DAPK1: variants seen among roughly 807,000 people sequenced by gnomAD.
DAPK1 encodes death associated protein kinase 1.
DAPK1 carries 56 observed loss-of-function variants against 144.9 expected under a neutral mutation model. The ratio of observed to expected loss-of-function variants is 0.39; its 90% CI spans 0.31 to 0.48. The LOEUF (loss-of-function observed/expected upper bound fraction) is 0.48. Ranked by LOEUF, DAPK1 falls within the 20% of genes least tolerant of loss-of-function variation. The pLI is 0.95. For synonymous variants in DAPK1, 690 were observed against 749.0 expected (o/e 0.92, Z 1.29); for missense variants, 1,454 against 1,875.4 (o/e 0.78, Z 4.15).
At chr9:87,649,478 G>T (rs1830372210) in intron 15 of DAPK1, among the ~76,000 whole-genome samples, 1 of 152,208 alleles carries the variant, frequency 6.6e-6, no homozygotes, top group Admixed American at 6.5e-5. Context: ...CATTAAGGTT[G>T]CTGGAAGAAT....
At chr9:87,507,627 G>T (rs866259441) in intron 2 of DAPK1, among the ~76,000 whole-genome samples, 4 of 152,140 alleles carry the variant, frequency 2.6e-5, no homozygotes, top group Admixed American at 2.6e-4. Context: ...AGGGAAGGAG[G>T]TTGGGAGAAT....
intron 21 of DAPK1, among the ~76,000 whole-genome samples, chr9:87,688,557 T>C (rs1397278674): frequency 6.6e-6 from 1 of 152,184 alleles, no homozygotes; most frequent in Non-Finnish European, 1.5e-5. Flanking sequence ...CCACAACGTA[T>C]AGGTGTTCTC....
chr9:87,559,542 G>A (rs1432509189), intron 2 of DAPK1, among the ~76,000 whole-genome samples: 2 of 152,182 alleles, frequency 1.3e-5, no homozygotes, highest in African/African-American at 2.4e-5. Flanking sequence ...AGTAGCTACT[G>A]TGGTGGACTT....
chr9:87,671,244 G>T (rs1396444643), intron 19 of DAPK1, among the ~76,000 whole-genome samples: 1 of 152,092 alleles, frequency 6.6e-6, no homozygotes, highest in African/African-American at 2.4e-5. Context: ...TCTGGGGGTG[G>T]GCTCTCACCC....
chr9:87,662,566 T>TTTTTTC (rs1830893423), intron 18 of DAPK1, among the ~76,000 whole-genome samples: 1 of 129,726 alleles, frequency 7.7e-6, no homozygotes, highest in Admixed American at 8.1e-5. Flanking sequence ...CCTAGTTTTT[T>TTTTTTC]TTTTTTTTTT....
chr9:87,577,294 C>T (rs1024950766), intron 2 of DAPK1, among the ~76,000 whole-genome samples: 4 of 152,122 alleles, frequency 2.6e-5, no homozygotes, highest in Non-Finnish European at 5.9e-5. Context: ...CGGGGTGGGG[C>T]CCAGCGGTCT....
chr9:87,498,053 A>G lies in DAPK1; in HGVS notation c.-163A>G, dbSNP rs766518987. On this transcript the variant is annotated 5_prime_UTR_variant, in exon 1 of 26. An upstream start codon of the reference 5' UTR is lost. Coordinates refer to ENST00000408954, the MANE Select transcript of DAPK1 (RefSeq NM_004938.4). ...CGGCTAGTCTCCGGCGCTGGCGCCT[A>G]TGGTCGGCCTCCGACAGCGCTCCGG... 1 of 397,330 alleles carries G rather than the reference A, an allele frequency of 2.5e-6. No individual in the cohort carries two copies. The highest frequency in any genetic ancestry group is 4.4e-6 in the Non-Finnish European group (1 of 225,372). 24.6% of individuals were successfully genotyped at this position (397,330 alleles called of 1,614,324 possible). A position where few individuals can be genotyped will look rare whatever the true frequency, so the allele number is the denominator to read the frequency against.
chr9:87,501,416 G>A (rs1271886839), intron 2 of DAPK1, among the ~76,000 whole-genome samples: 1 of 152,170 alleles, frequency 6.6e-6, no homozygotes, highest in Non-Finnish European at 1.5e-5. Context: ...GCAGTGGCGC[G>A]CGCCTGTAGT....
chr9:87,662,113 G>C (rs552743023), intron 18 of DAPK1, among the ~76,000 whole-genome samples: 1 of 152,234 alleles, frequency 6.6e-6, no homozygotes, highest in South Asian at 2.1e-4. Flanking sequence ...TATCAGTTTT[G>C]TCAGAGAACA....
rs183441742 is a variant in DAPK1, at chr9:87,523,295, G to T, written c.62+24156G>T. On this transcript the variant is annotated intron_variant, in intron 2 of 25. Coordinates refer to ENST00000408954, the MANE Select transcript of DAPK1 (RefSeq NM_004938.4). ...TATCACAGTTAGAAAGGCCCTTACC[G>T]CTCTGAGTTTATTTGTTTTGAGACA... is the stretch of plus-strand genomic sequence containing the variant. 6.0e-3 allele frequency among the ~76,000 whole-genome samples: 913 copies of T among 152,114 alleles called. 6 individuals carry two copies. Among genetic ancestry groups the T allele is most frequent in the Non-Finnish European group, 0.01 (703 of 67,980 alleles).
At chr9:87,681,939 A>T (rs980819144) in intron 20 of DAPK1, among the ~76,000 whole-genome samples, 6 of 152,334 alleles carry the variant, frequency 3.9e-5, no homozygotes, top group African/African-American at 1.4e-4. Flanking sequence ...CACAGTTGCA[A>T]ATTGCATTGC....
At chr9:87,565,924 A>G (rs1827103748) in intron 2 of DAPK1, among the ~76,000 whole-genome samples, 1 of 152,224 alleles carries the variant, frequency 6.6e-6, no homozygotes, top group East Asian at 1.9e-4. Context: ...CAGTGATGAA[A>G]CTGAGACCCA....
chr9:87,525,162 A>C, intron 2 of DAPK1: 1 of 698,454 alleles, frequency 1.4e-6, no homozygotes, highest in Non-Finnish European at 2.6e-6. Context: ...AGTTGGGTGG[A>C]AGACTGTGTC....
In DAPK1 at chr9:87,500,906, A is replaced by G. The variant is rs183546199; in HGVS notation, c.62+1767A>G. Among the ~76,000 whole-genome samples, 969 of 152,362 alleles carry G rather than the reference A, an allele frequency of 6.4e-3. 6 individuals are homozygous for G. The highest frequency in any genetic ancestry group is 0.014 in the Middle Eastern group (4 of 294). On this transcript the variant is annotated intron_variant, in intron 2 of 25. Coordinates refer to ENST00000408954, the MANE Select transcript of DAPK1 (RefSeq NM_004938.4). ...GAAAAACTGGAAGTCTGAAGTTTTT[A>G]AAAATGAAATGTACAGACTCATCTA...
intron 2 of DAPK1, among the ~76,000 whole-genome samples, chr9:87,552,052 GGCCTCGC>G (rs66839811): frequency 0.035 from 5,385 of 152,196 alleles, 116 homozygotes; most frequent in Middle Eastern, 0.082. Context: ...CCAGCCAGCA[GGCCTCGC>G]GAGGCTGGCT....
chr9:87,700,640 A>AG lies in DAPK1; in HGVS notation c.2871+405dup, dbSNP rs527691308. Among the ~76,000 whole-genome samples the AG allele has an allele frequency of 3.7e-4, 57 of 152,202 alleles. 1 individual carries two copies. In the South Asian group the frequency reaches 0.012, roughly 32 times the overall value. Reference sequence around the variant, plus strand: ...CAGCCTCCCAAGTAGCTAGGACTATAGGCACGCACCACCATGTCTGGCTAA... The same window carrying AG: ...CAGCCTCCCAAGTAGCTAGGACTATAGGGCACGCACCACCATGTCTGGCTAA... On this transcript the variant is annotated intron_variant, in intron 24 of 25. Transcript: ENST00000408954.
chr9:87,646,989 T>G (rs2119162624), intron 13 of DAPK1, among the ~76,000 whole-genome samples: 1 of 152,306 alleles, frequency 6.6e-6, no homozygotes, highest in Non-Finnish European at 1.5e-5. Context: ...GAGATGAGGG[T>G]TTACAAACAT....
upstream of DAPK1, chr9:87,497,797 G>C (rs775286116): frequency 2.7e-6 from 1 of 363,928 alleles, no homozygotes; most frequent in African/African-American, 2.1e-5. Flanking sequence ...CCGCCAGCCC[G>C]CTTGCAGGGT....
chr9:87,701,674 C>T (rs935565846), intron 24 of DAPK1, among the ~76,000 whole-genome samples: 5 of 151,312 alleles, frequency 3.3e-5, no homozygotes, highest in Non-Finnish European at 5.9e-5. Context: ...CAAATGCGGG[C>T]AGATGCCTGT....
Sources: allele counts gnomAD v4.1 joint callset (sites outside exome capture counted in the v4.1 genomes callset), GRCh38; gene constraint gnomAD v4.1.1; transcripts MANE v1.5; gene names NCBI Gene and HGNC (gene_info 2026-07-23, HGNC 2026-07-21).